STAG1: variants seen among roughly 807,000 people sequenced by gnomAD.
The protein encoded by STAG1 is cohesin subunit SA-1.
In STAG1, 26 loss-of-function variants were observed where a neutral mutation model predicts 170.9. That is an observed-to-expected ratio of 0.15 (90% CI 0.11 to 0.21). STAG1 has a LOEUF of 0.21. Among genes scored for constraint, STAG1 ranks in the 10% least tolerant of loss-of-function variants. The pLI is 1.00. For missense variants in STAG1, 964 were observed against 1,509.5 expected, an observed-to-expected ratio of 0.64 and a Z score of 5.99; for synonymous variants, 514 against 497.7, an observed-to-expected ratio of 1.03 and a Z score of -0.44.
intron 1 of STAG1, among the ~76,000 whole-genome samples, chr3:136,652,182 A>G (rs1458994667): frequency 1.3e-5 from 2 of 152,226 alleles, no homozygotes; most frequent in African/African-American, 2.4e-5. Flanking sequence ...TATACCACAA[A>G]TAACAGCTGC....
chr3:136,649,456 G>A (rs1297980479), intron 1 of STAG1, among the ~76,000 whole-genome samples: 1 of 145,522 alleles, frequency 6.9e-6, no homozygotes, highest in Non-Finnish European at 1.5e-5. Context: ...TCCAGCCTGG[G>A]TGAAAGAGTG....
chr3:136,422,191 A>C (rs1429311408), intron 19 of STAG1, among the ~76,000 whole-genome samples: 1 of 152,008 alleles, frequency 6.6e-6, no homozygotes, highest in African/African-American at 2.4e-5. Context: ...GAAAGAGAAA[A>C]GAAATTCTAG....
chr3:136,705,653 G>A (rs1943208661), intron 1 of STAG1, among the ~76,000 whole-genome samples: 1 of 152,076 alleles, frequency 6.6e-6, no homozygotes, highest in African/African-American at 2.4e-5. Context: ...GAGCTTTCCT[G>A]CACATGCTCT....
chr3:136,713,821 A>C (rs1943450579), intron 1 of STAG1, among the ~76,000 whole-genome samples: 1 of 151,994 alleles, frequency 6.6e-6, no homozygotes, highest in Non-Finnish European at 1.5e-5. Flanking sequence ...TCAGAAATTT[A>C]AGACCGCCCT....
chr3:136,340,206 T>C (rs939331121), intron 32 of STAG1, among the ~76,000 whole-genome samples: 4 of 152,142 alleles, frequency 2.6e-5, no homozygotes, highest in African/African-American at 7.2e-5. Flanking sequence ...CCAGGCTAGA[T>C]TGCAATGGCA....
At chr3:136,579,958 ATTTTTTTTT>A (rs749325884) in intron 4 of STAG1, among the ~76,000 whole-genome samples, 47 of 73,652 alleles carry the variant, frequency 6.4e-4, no homozygotes, top group African/African-American at 1.7e-3. Flanking sequence ...TACCATCTGA[ATTTTTTTTT>A]TTTTTTTTTT....
intron 15 of STAG1, among the ~76,000 whole-genome samples, chr3:136,438,948 G>C (rs559471321): frequency 6.6e-6 from 1 of 152,004 alleles, no homozygotes; most frequent in Non-Finnish European, 1.5e-5. Context: ...TGTAATCCCA[G>C]CACTTTGGGA....
intron 22 of STAG1, among the ~76,000 whole-genome samples, 167 bp from the exon 23 acceptor site, chr3:136,377,919 T>TC (rs1937695119): frequency 6.6e-6 from 1 of 152,204 alleles, no homozygotes; most frequent in Admixed American, 6.5e-5. Context: ...TAGTTATCTG[T>TC]CCTAATAGAA....
intron 3 of STAG1, among the ~76,000 whole-genome samples, chr3:136,604,996 T>A (rs931136933): frequency 3.3e-5 from 5 of 152,192 alleles, no homozygotes; most frequent in Non-Finnish European, 5.9e-5. Context: ...ATAATGCCAA[T>A]GTTGAATATT....
At chr3:136,374,532 G>A (rs1937510846) in intron 23 of STAG1, among the ~76,000 whole-genome samples, 1 of 151,894 alleles carries the variant, frequency 6.6e-6, no homozygotes, top group Admixed American at 6.6e-5. Context: ...CAGGAGAATT[G>A]CTTGAACCTG....
At position 136,377,713 on chromosome 3, in the gene STAG1, A is replaced by C; in HGVS notation, c.2317T>G (p.Leu773Val). 1 of 1,614,090 alleles carries C rather than the reference A, an allele frequency of 6.2e-7. No individual in the cohort carries two copies. The change falls in exon 23 of 34, where the codon TTG becomes GTG. Residue 773 changes from leucine to valine, a missense_variant. By Grantham distance (32) the Leu-to-Val change is conservative. Coordinates refer to ENST00000383202, the MANE Select transcript of STAG1 (RefSeq NM_005862.3). Reference protein sequence around the residue: ...LVLRKTVKSFLAVCQQCLSNV... With the variant: ...LVLRKTVKSFVAVCQQCLSNV... ...GACAGGCACTGCTGGCAAACAGCCAAAAAGGATTTCACCGTTTTCCTCAAT... is the reference window on the plus strand; with the variant it reads ...GACAGGCACTGCTGGCAAACAGCCACAAAGGATTTCACCGTTTTCCTCAAT...
chr3:136,718,056 G>A (rs1050199144), intron 1 of STAG1, among the ~76,000 whole-genome samples: 7 of 151,982 alleles, frequency 4.6e-5, no homozygotes, highest in South Asian at 2.1e-4. Context: ...ACACAGACTC[G>A]TGTATTTACT....
intron 31 of STAG1, among the ~76,000 whole-genome samples, chr3:136,340,990 C>A (rs561354345): frequency 6.6e-5 from 10 of 152,288 alleles, no homozygotes; most frequent in African/African-American, 2.4e-4. Flanking sequence ...CTCACTACAA[C>A]CTCCGCCTCC....
rs1293836155 is a variant in STAG1, at chr3:136,678,033, C to T, written c.-83-47052G>A. Among the ~76,000 whole-genome samples the T allele has an allele frequency of 7.4e-5, 11 of 149,142 alleles. 1 individual carries two copies. The South Asian group carries it at 1.7e-3, about 23-fold the overall frequency. On this transcript the variant is annotated intron_variant, in intron 1 of 33. Transcript: ENST00000383202. The stretch of plus-strand genomic sequence containing the variant: ...TGAAGAAATTTAGTAAAAGTTGGCA[C>T]TAGTATGAAGAAAATACACATTCTT...
chr3:136,376,080 T>C (rs1029860224), intron 23 of STAG1, among the ~76,000 whole-genome samples: 2 of 92,180 alleles, frequency 2.2e-5, no homozygotes, highest in African/African-American at 5.9e-5. Flanking sequence ...GAGCTGGGTA[T>C]TTCTCCATAA....
chr3:136,428,510 T>C (rs1193719355), intron 16 of STAG1, among the ~76,000 whole-genome samples: 1 of 152,146 alleles, frequency 6.6e-6, no homozygotes, highest in African/African-American at 2.4e-5. Flanking sequence ...TATCTCTAAA[T>C]CAGCCTACAG....
chr3:136,420,215 C>A (rs1463660273), intron 20 of STAG1, among the ~76,000 whole-genome samples: 1 of 145,472 alleles, frequency 6.9e-6, no homozygotes, highest in Non-Finnish European at 1.5e-5. Context: ...CCACTACATT[C>A]CAGTCTGGGC....
intron 16 of STAG1, among the ~76,000 whole-genome samples, chr3:136,425,104 T>C (rs1576453203): frequency 6.6e-6 from 1 of 152,016 alleles, no homozygotes; most frequent in East Asian, 1.9e-4. Flanking sequence ...TCCCAAAGTG[T>C]TGGGTTTACA....
chr3:136,694,545 G>C (rs1942820714), intron 1 of STAG1, among the ~76,000 whole-genome samples: 1 of 151,922 alleles, frequency 6.6e-6, no homozygotes, highest in Admixed American at 6.6e-5. Flanking sequence ...CAGCCCAGGA[G>C]GTTGGGGCTA....
Sources: allele counts gnomAD v4.1 joint callset (sites outside exome capture counted in the v4.1 genomes callset), GRCh38; gene constraint gnomAD v4.1.1; transcripts MANE v1.5; gene names NCBI Gene and HGNC (gene_info 2026-07-23, HGNC 2026-07-21).